The following TNFRSF10D variants were observed in gnomAD, a reference collection of about 807,000 sequenced individuals.
The protein encoded by TNFRSF10D is tumor necrosis factor receptor superfamily member 10D.
TNFRSF10D carries 28 observed loss-of-function variants against 42.1 expected under a neutral mutation model. That is an observed-to-expected ratio of 0.66 (90% CI 0.49 to 0.91). The LOEUF is 0.91. Among genes scored for constraint, TNFRSF10D ranks in the 40% least tolerant of loss-of-function variants. The pLI, the probability that TNFRSF10D is intolerant of heterozygous loss-of-function variation, is 0.00. For synonymous variants in TNFRSF10D, 186 were observed against 189.4 expected, an observed-to-expected ratio of 0.98 and a Z score of 0.15; for missense variants, 503 against 486.1, an observed-to-expected ratio of 1.03 and a Z score of -0.33.
chr8:23,163,804 G>A lies in TNFRSF10D; in HGVS notation c.132C>T (p.Ile44=). ...DPKILKFVVF[I]VAVLLPVRVD... The stretch of plus-strand genomic sequence containing the variant: ...GACTCACCGGCAGCAGAACCGCGAC[G>A]ATGAAGACGACGAACTTAAGGATCT... The change falls in exon 1 of 9, where the codon ATC becomes ATT. Residue 44 remains isoleucine, a synonymous_variant. Coordinates refer to ENST00000312584, the MANE Select transcript of TNFRSF10D (RefSeq NM_003840.5). 2 of 1,607,070 alleles carry A rather than the reference G, an allele frequency of 1.2e-6. No individual in the cohort carries two copies. The highest frequency in any genetic ancestry group is 8.5e-7 in the Non-Finnish European group (1 of 1,178,698).
chr8:23,145,053 C>A lies in TNFRSF10D; in HGVS notation c.768+5G>T. 1 of 1,614,152 alleles carries A rather than the reference C, an allele frequency of 6.2e-7. No individual in the cohort carries two copies. On this transcript the variant is annotated splice_donor_5th_base_variant and intron_variant, in intron 6 of 8. Transcript: ENST00000312584. ...AGCCCCCAGTTTCTGGAGAAACCAA[C>A]TCACTCTGTGCACACGTTCGGGACC...
intron 2 of TNFRSF10D, among the ~76,000 whole-genome samples, chr8:23,151,437 A>C (rs1461016354): frequency 2.6e-5 from 4 of 152,214 alleles, no homozygotes; most frequent in Admixed American, 2.6e-4. Flanking sequence ...AGAACAGAAC[A>C]CTAACTGGAT....
chr8:23,160,354 C>T (rs946611727), intron 1 of TNFRSF10D, among the ~76,000 whole-genome samples: 3 of 152,170 alleles, frequency 2.0e-5, no homozygotes, highest in African/African-American at 7.2e-5. Flanking sequence ...GAGGGGACTC[C>T]GAAGAGCCCT....
intron 7 of TNFRSF10D, among the ~76,000 whole-genome samples, chr8:23,140,168 A>AGTCCC (rs1814429144): frequency 2.0e-5 from 3 of 152,154 alleles, no homozygotes; most frequent in African/African-American, 4.8e-5. Context: ...GTGCGCCTGT[A>AGTCCC]ATCCCAGCTG....
intron 1 of TNFRSF10D, among the ~76,000 whole-genome samples, chr8:23,158,862 G>A (rs185632036): frequency 6.2e-3 from 944 of 152,206 alleles, no homozygotes; most frequent in African/African-American, 0.019. Flanking sequence ...AGTTTGGTAG[G>A]TTGAGATGTA....
At chr8:23,158,035 T>C (rs1403535868) in intron 1 of TNFRSF10D, among the ~76,000 whole-genome samples, 2 of 152,248 alleles carry the variant, frequency 1.3e-5, no homozygotes, top group Non-Finnish European at 2.9e-5. Context: ...ATCCTGGAAG[T>C]AGGCCAACCT....
intron 7 of TNFRSF10D, among the ~76,000 whole-genome samples, chr8:23,139,312 C>G (rs1288249080): frequency 1.3e-5 from 2 of 152,066 alleles, no homozygotes; most frequent in East Asian, 1.9e-4. Context: ...TAAGGAAATA[C>G]TGAATATTAA....
intron 2 of TNFRSF10D, among the ~76,000 whole-genome samples, chr8:23,154,167 G>A (rs936491365): frequency 1.3e-5 from 2 of 152,154 alleles, no homozygotes; most frequent in African/African-American, 4.8e-5. Context: ...CTTAAAACTT[G>A]ATCTCATAGA....
intron 7 of TNFRSF10D, among the ~76,000 whole-genome samples, 158 bp downstream of exon 7, chr8:23,144,289 TCAC>T (rs1800077360): frequency 6.6e-6 from 1 of 152,144 alleles, no homozygotes; most frequent in African/African-American, 2.4e-5. Flanking sequence ...ACTGGCACGG[TCAC>T]CACCTCAGTG....
rs1814317550 is a variant in TNFRSF10D at position 23,135,950 on chromosome 8, G to A, written c.*1920C>T. 15 of 447,650 alleles carry A rather than the reference G, an allele frequency of 3.4e-5. 1 individual carries two copies. Among genetic ancestry groups the A allele is most frequent in the South Asian group, 2.2e-4 (14 of 63,426 alleles). The allele number at this position is 447,650 out of a possible 1,614,324, so 27.7% of individuals were successfully genotyped here. On this transcript the variant is annotated 3_prime_UTR_variant, in exon 9 of 9. Coordinates refer to ENST00000312584, the MANE Select transcript of TNFRSF10D (RefSeq NM_003840.5). Reference sequence around the variant, plus strand: ...TGTCATCCAGAAGTGCAGGGGACAAGGTGTGGGACGCCAGATGGAAGTGGG... The same window carrying A: ...TGTCATCCAGAAGTGCAGGGGACAAAGTGTGGGACGCCAGATGGAAGTGGG...
At chr8:23,143,127 C>A (rs1800056906) in intron 7 of TNFRSF10D, among the ~76,000 whole-genome samples, 3 of 152,144 alleles carry the variant, frequency 2.0e-5, no homozygotes, top group African/African-American at 7.2e-5. Flanking sequence ...CAGGCACCCG[C>A]TACCACGCCC....
At chr8:23,153,309 G>C (rs1231771800) in intron 2 of TNFRSF10D, among the ~76,000 whole-genome samples, 708 of 151,716 alleles carry the variant, frequency 4.7e-3, no homozygotes, top group African/African-American at 0.015. Context: ...CGTTGGTGTG[G>C]GCATTGATTT....
intron 2 of TNFRSF10D, among the ~76,000 whole-genome samples, chr8:23,153,137 A>G (rs112202407): frequency 2.3e-4 from 35 of 152,382 alleles, no homozygotes; most frequent in African/African-American, 8.4e-4. Context: ...AGCCTCTTCA[A>G]TAAATGATGT....
At chr8:23,158,543 A>G (rs1047783672) in intron 1 of TNFRSF10D, among the ~76,000 whole-genome samples, 8 of 152,204 alleles carry the variant, frequency 5.3e-5, no homozygotes, top group Non-Finnish European at 8.8e-5. Flanking sequence ...TGTAGTGCTC[A>G]GTGGATTTAC....
chr8:23,163,416 TGAACGAAC>T (rs35466375), intron 1 of TNFRSF10D, among the ~76,000 whole-genome samples: 29 of 150,692 alleles, frequency 1.9e-4, no homozygotes, highest in African/African-American at 4.4e-4. Flanking sequence ...GTTAACGTTA[TGAACGAAC>T]GAACGAACGA....
At chr8:23,152,390 C>T (rs116589100) in intron 2 of TNFRSF10D, among the ~76,000 whole-genome samples, 924 of 152,226 alleles carry the variant, frequency 6.1e-3, no homozygotes, top group African/African-American at 0.019. Context: ...CATTATACCC[C>T]AGGCTTTCCC....
intron 7 of TNFRSF10D, among the ~76,000 whole-genome samples, chr8:23,139,364 C>T (rs905980440): frequency 1.3e-4 from 19 of 151,834 alleles, no homozygotes; most frequent in South Asian, 4.2e-4. Flanking sequence ...AATTTTAAAG[C>T]GAATTGATAA....
intron 7 of TNFRSF10D, among the ~76,000 whole-genome samples, chr8:23,140,823 TC>T (rs1406039563): frequency 1.3e-5 from 2 of 152,150 alleles, no homozygotes; most frequent in African/African-American, 4.8e-5. Flanking sequence ...TTGTGAGGCC[TC>T]CCCAGCCATG....
intron 4 of TNFRSF10D, among the ~76,000 whole-genome samples, chr8:23,146,216 G>C (rs1206020071): frequency 1.3e-5 from 2 of 152,180 alleles, no homozygotes; most frequent in Middle Eastern, 3.2e-3. Flanking sequence ...GCGTTAGGAG[G>C]AGCCGCACTC....
Sources: allele counts gnomAD v4.1 joint callset (sites outside exome capture counted in the v4.1 genomes callset), GRCh38; gene constraint gnomAD v4.1.1; transcripts MANE v1.5; gene names NCBI Gene and HGNC (gene_info 2026-07-23, HGNC 2026-07-21).